The following SAMD12 variants were observed in gnomAD, a reference collection of about 807,000 sequenced individuals.
SAMD12 encodes the protein sterile alpha motif domain-containing protein 12.
SAMD12 carries 9 observed loss-of-function variants against 15.0 expected under a neutral mutation model. That is an observed-to-expected ratio of 0.60 (90% CI 0.36 to 1.05). The LOEUF is 1.05. Among genes scored for constraint, SAMD12 ranks in the 50% least tolerant of loss-of-function variants. SAMD12 has a pLI of 0.01. For synonymous variants in SAMD12, 86 were observed against 90.1 expected (o/e 0.96, Z 0.25); for missense variants, 230 against 234.2 (o/e 0.98, Z 0.12).
chr8:118,159,077 C>T, the SAMD12 span, among the ~76,000 whole-genome samples: 1 of 151,948 alleles, frequency 6.6e-6, no homozygotes, highest in Non-Finnish European at 1.5e-5. Context: ...TCCCCATCCC[C>T]ACTCCACTCA....
chr8:118,382,646 A>G (rs533382805), intron 3 of SAMD12, among the ~76,000 whole-genome samples: 1 of 152,368 alleles, frequency 6.6e-6, no homozygotes, highest in East Asian at 1.9e-4. Context: ...CCAACTGTTC[A>G]AATTATTTAA....
chr8:118,313,936 C>T (rs1216860496), intron 4 of SAMD12, among the ~76,000 whole-genome samples: 1 of 151,100 alleles, frequency 6.6e-6, no homozygotes. Context: ...ATGGGGGGAT[C>T]TCATGCTGAT....
At chr8:118,318,818 G>A (rs570942067) in intron 4 of SAMD12, among the ~76,000 whole-genome samples, 6 of 152,220 alleles carry the variant, frequency 3.9e-5, no homozygotes, top group Admixed American at 1.3e-4. Context: ...CTCAAACAAG[G>A]TGACATGTGT....
chr8:118,363,560 C>T (rs1023379062), intron 4 of SAMD12, among the ~76,000 whole-genome samples: 2 of 152,070 alleles, frequency 1.3e-5, no homozygotes, highest in Admixed American at 6.6e-5. Flanking sequence ...TGGAATGAAA[C>T]TCACACCATC....
chr8:118,315,686 A>G (rs1301193399), intron 4 of SAMD12, among the ~76,000 whole-genome samples: 1 of 151,986 alleles, frequency 6.6e-6, no homozygotes, highest in Non-Finnish European at 1.5e-5. Context: ...AGAAGGTTAG[A>G]AAAAAAAACT....
intron 2 of SAMD12, among the ~76,000 whole-genome samples, chr8:118,511,689 C>A (rs539502801): frequency 2.0e-5 from 3 of 152,256 alleles, no homozygotes; most frequent in Non-Finnish European, 4.4e-5. Context: ...CACTACGCAA[C>A]ACAAAATCTA....
At chr8:118,172,450 T>C in the SAMD12 span, among the ~76,000 whole-genome samples, 1 of 152,172 alleles carries the variant, frequency 6.6e-6, no homozygotes, top group Non-Finnish European at 1.5e-5. Flanking sequence ...AACACTATAT[T>C]TTACAGCAGT....
chr8:118,547,647 G>T (rs1826170688), intron 2 of SAMD12, among the ~76,000 whole-genome samples: 1 of 152,170 alleles, frequency 6.6e-6, no homozygotes, highest in Admixed American at 6.5e-5. Context: ...TGGGTTTCTT[G>T]AAAGGTAGGG....
Position 118,250,676 on chromosome 8 carries a change from A to AT in SAMD12, c.434-52945dup, listed in dbSNP as rs879754176. ...GTCTGGCTAAATTTTTTATTTATTT[A>AT]TTTTTTTTTATTTTTGGTATTTTTT... On this transcript the variant is annotated intron_variant, in intron 4 of 4. Coordinates refer to the SAMD12 transcript ENST00000409003. Among the ~76,000 whole-genome samples, 173 of 150,810 alleles carry AT rather than the reference A, an allele frequency of 1.1e-3. 1 individual carries two copies. The highest frequency in any genetic ancestry group is 2.0e-3 in the Non-Finnish European group (136 of 67,638).
chr8:118,132,972 G>GTATA, the SAMD12 span, among the ~76,000 whole-genome samples: 126 of 48,164 alleles, frequency 2.6e-3, 3 homozygotes, highest in Non-Finnish European at 3.9e-3. Flanking sequence ...GTGTGTGTGT[G>GTATA]TATATATATA....
chr8:118,509,145 T>C (rs1053967891), intron 2 of SAMD12, among the ~76,000 whole-genome samples: 2 of 152,212 alleles, frequency 1.3e-5, no homozygotes, highest in Admixed American at 6.5e-5. Flanking sequence ...TTGATCATTC[T>C]GAAGAGGCAA....
chr8:118,542,418 G>A (rs906872315), intron 2 of SAMD12, among the ~76,000 whole-genome samples: 15 of 152,106 alleles, frequency 9.9e-5, no homozygotes, highest in African/African-American at 3.4e-4. Context: ...CACAATATTT[G>A]CAACAAATGT....
At chr8:118,454,141 T>C (rs1823167806) in intron 2 of SAMD12, among the ~76,000 whole-genome samples, 1 of 152,198 alleles carries the variant, frequency 6.6e-6, no homozygotes, top group Non-Finnish European at 1.5e-5. Flanking sequence ...GAAATGGTTT[T>C]GGGGGTAAAC....
intron 4 of SAMD12, among the ~76,000 whole-genome samples, chr8:118,305,433 T>C (rs1170780389): frequency 2.0e-5 from 3 of 152,218 alleles, no homozygotes; most frequent in Non-Finnish European, 4.4e-5. Flanking sequence ...GTTTTCAAGA[T>C]TTCTCTCTGT....
At chr8:118,204,213 T>TTAAC in intron 4 of SAMD12, among the ~76,000 whole-genome samples, 1 of 151,588 alleles carries the variant, frequency 6.6e-6, no homozygotes, top group Non-Finnish European at 1.5e-5. Context: ...AATTAATTAA[T>TTAAC]TAATTAATAT....
At chr8:118,294,923 C>T (rs1814626731) in intron 4 of SAMD12, among the ~76,000 whole-genome samples, 1 of 152,054 alleles carries the variant, frequency 6.6e-6, no homozygotes. Flanking sequence ...GTACTGTCAA[C>T]AGAATTGTCA....
chr8:118,171,714 C>T, the SAMD12 span, among the ~76,000 whole-genome samples: 1 of 141,758 alleles, frequency 7.1e-6, no homozygotes, highest in South Asian at 2.3e-4. Flanking sequence ...GGAGTGGCTG[C>T]TAATGGGTAC....
intron 2 of SAMD12, among the ~76,000 whole-genome samples, chr8:118,475,478 T>C (rs551572685): frequency 4.6e-5 from 7 of 152,164 alleles, no homozygotes; most frequent in Non-Finnish European, 8.8e-5. Flanking sequence ...TATTCATTTA[T>C]AGCAATGCAA....
the SAMD12 span, among the ~76,000 whole-genome samples, chr8:118,168,166 T>C: frequency 1.3e-5 from 2 of 152,210 alleles, no homozygotes; most frequent in African/African-American, 4.8e-5. Flanking sequence ...TAAACTTCTT[T>C]TTCTTCCCAG....
Sources: gnomAD v4.1 joint callset for allele counts (sites outside exome capture counted in the v4.1 genomes callset) on GRCh38, gnomAD v4.1.1 for gene constraint, MANE v1.5 for transcripts, NCBI Gene and HGNC (gene_info 2026-07-23, HGNC 2026-07-21) for gene names.